DAB1: variants seen among roughly 807,000 people sequenced by gnomAD.
DAB1 encodes DAB adaptor protein 1, also known as disabled homolog 1.
In DAB1, 15 loss-of-function variants were observed where a neutral mutation model predicts 64.6. The observed-to-expected ratio is 0.23, with a 90% CI of 0.16 to 0.36. The LOEUF (loss-of-function observed/expected upper bound fraction) is 0.36, where lower values mean the gene tolerates loss of function less well. DAB1 is among the 10% of genes least tolerant of loss of function. The pLI is 1.00. For synonymous variants in DAB1, 235 were observed against 251.9 expected, an observed-to-expected ratio of 0.93 and a Z score of 0.64; for missense variants, 596 against 706.7, an observed-to-expected ratio of 0.84 and a Z score of 1.78.
intron 6 of DAB1, among the ~76,000 whole-genome samples, chr1:57,728,329 C>T (rs1647268453): frequency 6.6e-6 from 1 of 152,076 alleles, no homozygotes; most frequent in South Asian, 2.1e-4. Flanking sequence ...TGCGGTGGCT[C>T]ACGCCTGTAA....
intron 2 of DAB1, among the ~76,000 whole-genome samples, chr1:58,510,145 C>A: frequency 1.3e-5 from 1 of 76,654 alleles, no homozygotes; most frequent in African/African-American, 7.0e-5. Context: ...ATGAGGCCAG[C>A]CATTACCCTG....
intron 6 of DAB1, among the ~76,000 whole-genome samples, chr1:57,743,045 T>C (rs1215796281): frequency 6.6e-6 from 1 of 152,202 alleles, no homozygotes; most frequent in Non-Finnish European, 1.5e-5. Context: ...TGCCATGTCA[T>C]AGACTCTTTG....
At chr1:58,536,704 T>G (rs1225861694) in intron 1 of DAB1, 1 of 872,644 alleles carries the variant, frequency 1.1e-6, no homozygotes, top group Non-Finnish European at 2.0e-6. Flanking sequence ...ACTTCCTTCT[T>G]GTTAGGAGGA....
At chr1:58,407,436 T>C (rs548516148) in intron 3 of DAB1, among the ~76,000 whole-genome samples, 1 of 152,316 alleles carries the variant, frequency 6.6e-6, no homozygotes, top group Admixed American at 6.5e-5. Context: ...TGCTGGATAA[T>C]GAAACTTCAA....
intron 6 of DAB1, among the ~76,000 whole-genome samples, chr1:57,815,413 T>C (rs762101943): frequency 2.0e-5 from 3 of 152,140 alleles, no homozygotes; most frequent in Non-Finnish European, 4.4e-5. Context: ...TGGAATCACA[T>C]AGAATGAACT....
intron 1 of DAB1, among the ~76,000 whole-genome samples, chr1:57,883,334 G>A (rs574758346): frequency 2.6e-5 from 4 of 152,242 alleles, no homozygotes; most frequent in South Asian, 2.1e-4. Flanking sequence ...AACTGAGGGT[G>A]AATAATTGTT....
chr1:58,415,330 G>T (rs1342179826), intron 3 of DAB1: 2 of 217,668 alleles, frequency 9.2e-6, no homozygotes, highest in Admixed American at 1.3e-4. Context: ...ATGATATTTG[G>T]TTATAGCAGC....
chr1:57,275,855 C>T (rs756621172), intron 2 of DAB1, among the ~76,000 whole-genome samples: 1 of 152,122 alleles, frequency 6.6e-6, no homozygotes, highest in Admixed American at 6.5e-5. Context: ...ACACTGTATC[C>T]GTTCAAGGAT....
At chr1:57,701,738 T>G (rs1646910981) in intron 6 of DAB1, among the ~76,000 whole-genome samples, 1 of 151,828 alleles carries the variant, frequency 6.6e-6, no homozygotes, top group East Asian at 1.9e-4. Flanking sequence ...AAAAAAATAG[T>G]CTTCAAGTTC....
intron 4 of DAB1, among the ~76,000 whole-genome samples, chr1:58,252,776 T>C (rs554128288): frequency 1.3e-5 from 2 of 152,310 alleles, no homozygotes; most frequent in South Asian, 4.1e-4. Flanking sequence ...TCTCCTTCTC[T>C]AAGCCCAGGT....
chr1:58,299,881 G>C (rs1662081989), intron 4 of DAB1, among the ~76,000 whole-genome samples: 1 of 152,166 alleles, frequency 6.6e-6, no homozygotes, highest in Non-Finnish European at 1.5e-5. Flanking sequence ...CCTAGGCCCT[G>C]TCCCTCCACA....
At chr1:57,300,486 A>T (rs753613727) in intron 1 of DAB1, among the ~76,000 whole-genome samples, 3 of 152,214 alleles carry the variant, frequency 2.0e-5, no homozygotes, top group Non-Finnish European at 2.9e-5. Flanking sequence ...GAAGACAAGT[A>T]AATGTTAGTC....
chr1:57,645,882 C>A (rs1289192972), intron 7 of DAB1, among the ~76,000 whole-genome samples: 2 of 152,128 alleles, frequency 1.3e-5, no homozygotes, highest in Non-Finnish European at 2.9e-5. Context: ...AGTTTTTACA[C>A]TTGGGGCCTG....
chr1:58,255,305 G>A (rs893540930), intron 4 of DAB1, among the ~76,000 whole-genome samples: 6 of 152,080 alleles, frequency 3.9e-5, no homozygotes, highest in South Asian at 2.1e-4. Context: ...ATATTAGCCC[G>A]GCAAAGGGAA....
chr1:57,961,242 T>C (rs1351136460), intron 5 of DAB1, among the ~76,000 whole-genome samples: 2 of 152,206 alleles, frequency 1.3e-5, no homozygotes, highest in South Asian at 2.1e-4. Context: ...TATACATTTG[T>C]ATATAGGTAA....
chr1:58,255,499 A>T lies in DAB1; in HGVS notation n.309+87853T>A, dbSNP rs143664983. ...AAGCTTTCTTCCTGTAGGAAGCAGG[A>T]GGGGTCATGGCCACCAACAGCTCTA... On this transcript the variant is annotated intron_variant and non_coding_transcript_variant, in intron 4 of 20. Coordinates refer to the DAB1 transcript ENST00000485760. 1.6e-3 allele frequency among the ~76,000 whole-genome samples: 244 copies of T among 152,038 alleles called. 1 individual carries two copies. Among genetic ancestry groups the T allele is most frequent in the African/African-American group, 5.6e-3 (231 of 41,448 alleles).
intron 4 of DAB1, among the ~76,000 whole-genome samples, chr1:58,275,013 G>T (rs1373794632): frequency 6.6e-6 from 1 of 152,150 alleles, no homozygotes; most frequent in Admixed American, 6.5e-5. Flanking sequence ...TTCCTATTCG[G>T]CCATCTTGGC....
intron 7 of DAB1, among the ~76,000 whole-genome samples, chr1:57,438,827 A>T (rs2101127888): frequency 6.6e-6 from 1 of 152,340 alleles, no homozygotes; most frequent in Middle Eastern, 3.4e-3. Context: ...AAAGGGAAAT[A>T]AAAGTACCTA....
At chr1:58,311,117 C>T (rs965877430) in intron 4 of DAB1, among the ~76,000 whole-genome samples, 1 of 152,112 alleles carries the variant, frequency 6.6e-6, no homozygotes, top group South Asian at 2.1e-4. Flanking sequence ...TCATCCCCCA[C>T]CCTACATCTA....
Sources: gnomAD v4.1 joint callset for allele counts (sites outside exome capture counted in the v4.1 genomes callset) on GRCh38, gnomAD v4.1.1 for gene constraint, MANE v1.5 for transcripts, NCBI Gene and HGNC (gene_info 2026-07-23, HGNC 2026-07-21) for gene names.